PHF14: variants seen among roughly 807,000 people sequenced by gnomAD.
The protein encoded by PHF14 is PHD finger protein 14.
Under a neutral mutation model 117.9 loss-of-function variants are expected in PHF14, and 55 were observed. That is an observed-to-expected ratio of 0.47 (90% confidence interval 0.38 to 0.58). The LOEUF (loss-of-function observed/expected upper bound fraction) is 0.58, where lower values mean the gene tolerates loss of function less well. Among genes scored for constraint, PHF14 ranks in the 20% least tolerant of loss-of-function variants. The pLI is 0.00. For synonymous variants in PHF14, 409 were observed against 368.6 expected (o/e 1.11, Z -1.26); for missense variants, 978 against 1,122.2 (o/e 0.87, Z 1.84).
At chr7:11,000,631 A>C (rs950424471) in intron 4 of PHF14, among the ~76,000 whole-genome samples, 16 of 151,694 alleles carry the variant, frequency 1.1e-4, no homozygotes, top group African/African-American at 3.9e-4. Flanking sequence ...GAGCCACCAC[A>C]CCCACCCTTA....
chr7:11,015,737 C>G (rs1002720428), intron 5 of PHF14, among the ~76,000 whole-genome samples: 1 of 151,900 alleles, frequency 6.6e-6, no homozygotes, highest in African/African-American at 2.4e-5. Context: ...TTACTACTGC[C>G]GTTACTGCTG....
intron 16 of PHF14, chr7:11,105,141 G>C: frequency 3.1e-6 from 3 of 975,440 alleles, no homozygotes; most frequent in Non-Finnish European, 3.7e-6. Context: ...GTTATAAAAA[G>C]ACTTGAAATT....
intron 17 of PHF14, among the ~76,000 whole-genome samples, chr7:11,142,032 A>T (rs951652253): frequency 6.6e-6 from 1 of 152,098 alleles, no homozygotes; most frequent in Middle Eastern, 3.4e-3. Context: ...TTCAATGCTT[A>T]TTTTTAGATT....
At chr7:11,140,922 T>C (rs1788381361) in intron 17 of PHF14, among the ~76,000 whole-genome samples, 1 of 152,142 alleles carries the variant, frequency 6.6e-6, no homozygotes. Flanking sequence ...ACCAATACTG[T>C]TTCCTGTTTG....
intron 16 of PHF14, among the ~76,000 whole-genome samples, chr7:11,073,245 C>G (rs200723969): frequency 6.6e-6 from 1 of 152,132 alleles, no homozygotes; most frequent in Admixed American, 6.5e-5. Flanking sequence ...CATCTATGAG[C>G]CTGTAAAATC....
chr7:11,155,701 A>C (rs962227368), intron 17 of PHF14, among the ~76,000 whole-genome samples: 4 of 152,116 alleles, frequency 2.6e-5, no homozygotes, highest in Non-Finnish European at 5.9e-5. Context: ...TTGAGTGATC[A>C]ATTGTTTTAG....
At chr7:11,017,259 T>A (rs917436023) in intron 5 of PHF14, among the ~76,000 whole-genome samples, 1 of 152,218 alleles carries the variant, frequency 6.6e-6, no homozygotes, top group Non-Finnish European at 1.5e-5. Context: ...CTTTCGGATG[T>A]ATACCCAACA....
chr7:11,117,849 A>G (rs1317193526), intron 17 of PHF14, among the ~76,000 whole-genome samples: 1 of 151,750 alleles, frequency 6.6e-6, no homozygotes, highest in East Asian at 1.9e-4. Flanking sequence ...GTTCTTTAAA[A>G]TTTGAAGCAT....
At chr7:11,070,834 T>G (rs1052667129) in intron 16 of PHF14, among the ~76,000 whole-genome samples, 4 of 152,226 alleles carry the variant, frequency 2.6e-5, no homozygotes, top group African/African-American at 4.8e-5. Flanking sequence ...CTTGTTAATT[T>G]ACTGATACAC....
intron 16 of PHF14, chr7:11,107,211 A>G (rs1378319916): frequency 1.1e-5 from 11 of 983,994 alleles, no homozygotes; most frequent in African/African-American, 1.7e-5. Flanking sequence ...GCATATTCTC[A>G]ATAGTCAGGT....
Position 10,982,804 on chromosome 7 carries a change from A to T in PHF14, c.545A>T (p.Lys182Ile). Reference protein sequence around the residue: ...ATEEQVSEPKKWNLRRNRPLL... With the variant: ...ATEEQVSEPKIWNLRRNRPLL... Reference sequence around the variant, plus strand: ...GAGGAACAAGTCAGCGAGCCAAAAAAATGGAACCTTCGACGAAACCGACCA... The same window carrying T: ...GAGGAACAAGTCAGCGAGCCAAAAATATGGAACCTTCGACGAAACCGACCA... The change falls in exon 3 of 18, where the codon AAA becomes ATA. Residue 182 changes from lysine to isoleucine, a missense_variant. Coordinates refer to ENST00000634607, the MANE Select transcript of PHF14 (RefSeq NM_001007157.2). 1 of 1,613,972 alleles carries T rather than the reference A, an allele frequency of 6.2e-7. No individual in the cohort carries two copies. The highest frequency in any genetic ancestry group is 8.5e-7 in the Non-Finnish European group (1 of 1,179,888).
Position 11,062,666 on chromosome 7 carries a change from A to T in PHF14, c.2654+581A>T, listed in dbSNP as rs933553797. On this transcript the variant is annotated intron_variant, in intron 16 of 17. Transcript: ENST00000634607. ...CGTTTTGGTACTTTATTTTTTTTTA[A>T]TCAGACATAATGCTAATCAGAAATC... 5.1e-6 allele frequency: 5 copies of T among 982,538 alleles called. No individual in the cohort carries two copies. In the African/African-American group the frequency reaches 5.3e-5, roughly 10 times the overall value. 60.9% of individuals were successfully genotyped at this position (982,538 alleles called of 1,614,324 possible).
At chr7:10,979,553 C>CT (rs202055293) in intron 2 of PHF14, among the ~76,000 whole-genome samples, 6,831 of 131,696 alleles carry the variant, frequency 0.052, 182 homozygotes, top group African/African-American at 0.06. Flanking sequence ...CTTTCTCTCT[C>CT]TTTTTTTTTT....
intron 2 of PHF14, among the ~76,000 whole-genome samples, chr7:10,981,070 T>G (rs1782029893): frequency 1.3e-5 from 2 of 152,190 alleles, no homozygotes; most frequent in South Asian, 4.1e-4. Context: ...CAATTTTGCT[T>G]GCAGGATGTT....
rs1462571343 is a variant in PHF14 at position 11,107,486 on chromosome 7, TTTATC to T, written c.2655-3859_2655-3855del. 4 of 859,858 alleles carry T rather than the reference TTTATC, an allele frequency of 4.7e-6. No individual in the cohort carries two copies. In the East Asian group the frequency reaches 3.7e-4, roughly 79 times the overall value. 53.3% of individuals were successfully genotyped at this position (859,858 alleles called of 1,614,324 possible). ...TAGTAAGAATCTAATTAGGTTTGCT[TTTATC>T]TTATAATTGGGATTCCTTTATGCTC... On this transcript the variant is annotated intron_variant, in intron 16 of 17. Transcript: ENST00000634607.
At chr7:11,075,294 T>C (rs1017961654) in intron 16 of PHF14, among the ~76,000 whole-genome samples, 4 of 152,128 alleles carry the variant, frequency 2.6e-5, no homozygotes, top group Non-Finnish European at 5.9e-5. Context: ...TCTCTGTTAG[T>C]TGATGTTGCC....
intron 16 of PHF14, chr7:11,071,306 C>A (rs1005659461): frequency 1.9e-6 from 1 of 518,308 alleles, no homozygotes; most frequent in Non-Finnish European, 3.9e-6. Flanking sequence ...TGATCACAAG[C>A]TCCTGTGTAA....
intron 5 of PHF14, among the ~76,000 whole-genome samples, chr7:11,017,606 A>AT (rs1298090893): frequency 6.6e-5 from 10 of 151,382 alleles, no homozygotes; most frequent in South Asian, 2.1e-4. Flanking sequence ...AGATTATTAG[A>AT]TTTTTTCCTG....
At chr7:11,133,068 TAGAA>T (rs1440672259) in intron 17 of PHF14, among the ~76,000 whole-genome samples, 5 of 151,860 alleles carry the variant, frequency 3.3e-5, no homozygotes, top group Non-Finnish European at 5.9e-5. Flanking sequence ...ACTAAATAAA[TAGAA>T]AGCTATTCCA....
Sources: gnomAD v4.1 joint callset for allele counts (sites outside exome capture counted in the v4.1 genomes callset) on GRCh38, gnomAD v4.1.1 for gene constraint, MANE v1.5 for transcripts, NCBI Gene and HGNC (gene_info 2026-07-23, HGNC 2026-07-21) for gene names.